Variants in GALNT17 observed in about 807,000 individuals in gnomAD.
The protein encoded by GALNT17 is polypeptide N-acetylgalactosaminyltransferase 17, also known as UDP-GalNAc:polypeptide N-acetylgalactosaminyltransferase-like 3.
Under a neutral mutation model 63.7 loss-of-function variants are expected in GALNT17, and 29 were observed. The ratio of observed to expected loss-of-function variants is 0.46; its 90% CI spans 0.34 to 0.62. The LOEUF (loss-of-function observed/expected upper bound fraction) is 0.62, where lower values mean the gene tolerates loss of function less well. Among genes scored for constraint, GALNT17 ranks in the 20% least tolerant of loss-of-function variants. The pLI, the probability that GALNT17 is intolerant of heterozygous loss-of-function variation, is 0.01. For missense variants in GALNT17, 603 were observed against 799.6 expected, an observed-to-expected ratio of 0.75 and a Z score of 2.97; for synonymous variants, 305 against 318.3, an observed-to-expected ratio of 0.96 and a Z score of 0.45.
intron 6 of GALNT17, among the ~76,000 whole-genome samples, chr7:71,592,449 C>T (rs1012976444): frequency 1.3e-5 from 2 of 151,004 alleles, no homozygotes; most frequent in Admixed American, 1.3e-4. Flanking sequence ...GAGCTGAGAT[C>T]GTGCCACTGC....
At chr7:71,216,503 G>C (rs1388585937) in intron 1 of GALNT17, among the ~76,000 whole-genome samples, 3 of 151,726 alleles carry the variant, frequency 2.0e-5, no homozygotes, top group African/African-American at 7.3e-5. Flanking sequence ...ACCTCCTAGG[G>C]GGTAATGTGC....
At chr7:71,237,907 G>A (rs1014207794) in intron 1 of GALNT17, among the ~76,000 whole-genome samples, 2 of 152,180 alleles carry the variant, frequency 1.3e-5, no homozygotes, top group Non-Finnish European at 1.5e-5. Flanking sequence ...ATGGGGATGC[G>A]TTAGGGGGCA....
intron 5 of GALNT17, among the ~76,000 whole-genome samples, chr7:71,462,356 G>A (rs1235985282): frequency 1.3e-5 from 2 of 152,216 alleles, no homozygotes; most frequent in African/African-American, 4.8e-5. Flanking sequence ...TGCAATAGAG[G>A]AGAGAGATTG....
intron 6 of GALNT17, among the ~76,000 whole-genome samples, chr7:71,593,514 T>A (rs1459103057): frequency 6.6e-6 from 1 of 152,172 alleles, no homozygotes; most frequent in Non-Finnish European, 1.5e-5. Flanking sequence ...TCTGCCCATC[T>A]TGGCCTCCCA....
chr7:71,493,990 G>C (rs1434156372), intron 5 of GALNT17, among the ~76,000 whole-genome samples: 1 of 151,926 alleles, frequency 6.6e-6, no homozygotes, highest in Non-Finnish European at 1.5e-5. Context: ...TAAGAGGCAG[G>C]GTGTATTAGT....
intron 1 of GALNT17, among the ~76,000 whole-genome samples, chr7:71,246,115 GTTTT>G (rs61447370): frequency 1.1e-5 from 1 of 91,998 alleles, no homozygotes; most frequent in Non-Finnish European, 2.1e-5. Context: ...TTTTTTCGTT[GTTTT>G]TTTTTTTTTT....
chr7:71,146,706 C>G (rs1481319481), intron 1 of GALNT17, among the ~76,000 whole-genome samples: 2 of 152,158 alleles, frequency 1.3e-5, no homozygotes, highest in Non-Finnish European at 2.9e-5. Context: ...GCTCACCGGT[C>G]TTTAGACTGC....
intron 5 of GALNT17, among the ~76,000 whole-genome samples, chr7:71,565,290 G>A (rs531124910): frequency 1.3e-5 from 2 of 151,770 alleles, no homozygotes; most frequent in Admixed American, 1.3e-4. Context: ...TCAGGCTCCT[G>A]ACGGGGAAAG....
At chr7:71,602,452 G>A (rs888635394) in intron 6 of GALNT17, among the ~76,000 whole-genome samples, 2 of 152,186 alleles carry the variant, frequency 1.3e-5, no homozygotes, top group African/African-American at 2.4e-5. Context: ...TATCTTTGAT[G>A]TCTCGGCTTT....
At chr7:71,523,298 G>A (rs755374709) in intron 5 of GALNT17, among the ~76,000 whole-genome samples, 4 of 152,070 alleles carry the variant, frequency 2.6e-5, no homozygotes, top group African/African-American at 4.8e-5. Context: ...GCGTGGTGGC[G>A]CACGCCTGTG....
chr7:71,522,949 C>T lies in GALNT17; in HGVS notation c.963-48336C>T, dbSNP rs373569785. On this transcript the variant is annotated intron_variant, in intron 5 of 10. Transcript: ENST00000333538. ...AGTTGGGTGCAGGAGCTCATGGCTG[C>T]CATCCCAGGATGTCGGGAGGTGGAG... is the stretch of plus-strand genomic sequence containing the variant. Among the ~76,000 whole-genome samples the T allele has an allele frequency of 2.0e-5, 3 of 152,248 alleles. No individual in the cohort carries two copies. The East Asian group carries it at 5.8e-4, about 29-fold the overall frequency.
At chr7:71,204,441 A>G (rs1250802032) in intron 1 of GALNT17, among the ~76,000 whole-genome samples, 1 of 152,166 alleles carries the variant, frequency 6.6e-6, no homozygotes, top group Non-Finnish European at 1.5e-5. Context: ...TAAAAATGTC[A>G]TTGGAATTTG....
chr7:71,712,203 C>A lies in GALNT17; in HGVS notation c.*57C>A. The A allele has an allele frequency of 1.9e-6, 3 of 1,577,008 alleles. 1 individual carries two copies. Among genetic ancestry groups the A allele is most frequent in the Non-Finnish European group, 2.6e-6 (3 of 1,162,132 alleles). On this transcript the variant is annotated 3_prime_UTR_variant, in exon 11 of 11. Coordinates refer to ENST00000333538, the MANE Select transcript of GALNT17 (RefSeq NM_022479.3). ...CCCAGGACATGGCTGCTCCCCCCAA[C>A]ATCTGGACCAGCTGCCCTGGCGGAG...
At chr7:71,285,385 C>T (rs1255485196) in intron 1 of GALNT17, among the ~76,000 whole-genome samples, 1 of 152,120 alleles carries the variant, frequency 6.6e-6, no homozygotes, top group East Asian at 1.9e-4. Flanking sequence ...ACTCAATTTG[C>T]GTATTGTCAT....
chr7:71,377,774 T>C (rs1190129944), intron 2 of GALNT17, among the ~76,000 whole-genome samples: 1 of 152,126 alleles, frequency 6.6e-6, no homozygotes, highest in East Asian at 1.9e-4. Context: ...GTCCTTGTGA[T>C]ATAGTGTGTG....
intron 1 of GALNT17, among the ~76,000 whole-genome samples, chr7:71,168,214 T>G (rs1208053995): frequency 6.6e-6 from 1 of 152,192 alleles, no homozygotes; most frequent in African/African-American, 2.4e-5. Context: ...CCACACTGCC[T>G]TGATTAGTTT....
chr7:71,399,770 A>G (rs1475636257), intron 3 of GALNT17, among the ~76,000 whole-genome samples: 1 of 151,944 alleles, frequency 6.6e-6, no homozygotes, highest in Non-Finnish European at 1.5e-5. Flanking sequence ...TTTTCTCTGT[A>G]TTCTTACCAA....
chr7:71,544,910 G>C (rs1241563543), intron 5 of GALNT17, among the ~76,000 whole-genome samples: 1 of 151,622 alleles, frequency 6.6e-6, no homozygotes, highest in South Asian at 2.1e-4. Context: ...ATCACATCGG[G>C]ATTTTTCTGG....
At chr7:71,616,643 T>G in intron 6 of GALNT17, among the ~76,000 whole-genome samples, 1 of 144,010 alleles carries the variant, frequency 6.9e-6, no homozygotes, top group East Asian at 2.0e-4. Flanking sequence ...AATATAAATA[T>G]ATAATGTATA....
Sources: allele counts gnomAD v4.1 joint callset (sites outside exome capture counted in the v4.1 genomes callset), GRCh38; gene constraint gnomAD v4.1.1; transcripts MANE v1.5; gene names NCBI Gene and HGNC (gene_info 2026-07-23, HGNC 2026-07-21).